The following CCDC40 variants were observed in gnomAD, a reference collection of about 807,000 sequenced individuals.
CCDC40 encodes coiled-coil domain 40 molecular ruler complex subunit, also known as coiled-coil domain-containing protein 40.
In CCDC40, 104 loss-of-function variants were observed where a neutral mutation model predicts 124.5. The ratio of observed to expected loss-of-function variants is 0.84; its 90% CI spans 0.71 to 0.98. The LOEUF is 0.98. CCDC40 is among the 50% of genes least tolerant of loss of function. The pLI, the probability that CCDC40 is intolerant of heterozygous loss-of-function variation, is 0.00. For missense variants in CCDC40, 1,463 were observed against 1,503.9 expected, an observed-to-expected ratio of 0.97 and a Z score of 0.45; for synonymous variants, 580 against 602.9, an observed-to-expected ratio of 0.96 and a Z score of 0.56.
intron 10 of CCDC40, 80 bp from the exon 11 acceptor site, chr17:80,081,466 C>T: frequency 6.4e-7 from 1 of 1,573,392 alleles, no homozygotes; most frequent in Non-Finnish European, 8.7e-7. Context: ...TTAGTGAGCT[C>T]CCTCGTGTGG....
At chr17:80,038,505 T>C (rs1474763652) in intron 2 of CCDC40, among the ~76,000 whole-genome samples, 1 of 148,058 alleles carries the variant, frequency 6.8e-6, no homozygotes, top group East Asian at 2.1e-4. Context: ...CACTCCAGCC[T>C]GGGTGACCAG....
intron 7 of CCDC40, among the ~76,000 whole-genome samples, chr17:80,057,614 T>C (rs3925111): frequency 6.6e-6 from 1 of 151,696 alleles, no homozygotes; most frequent in Non-Finnish European, 1.5e-5. Flanking sequence ...CGGTGGCTCA[T>C]GCCTGTAATC....
In CCDC40 at chr17:80,058,621, G is replaced by A; in HGVS notation, c.1287G>A (p.Arg429=). ...TGGTAAAGAAGGCCGAGACGGAGAG[G>A]ATCCGGGCAGAAATCGAGAAGAAAA... is the stretch of plus-strand genomic sequence containing the variant. ...TQVVKKAETE[R]IRAEIEKKKQ... The change falls in exon 8 of 20, where the codon AGG becomes AGA. Residue 429 remains arginine, a synonymous_variant. Transcript: ENST00000397545. This position sits in a 1 kb window ranked among gnomAD's most constrained non-coding sequence, Gnocchi z 4.2. The A allele has an allele frequency of 6.2e-7, 1 of 1,614,232 alleles. No individual in the cohort carries two copies. The highest frequency in any genetic ancestry group is 8.5e-7 in the Non-Finnish European group (1 of 1,180,036).
chr17:80,056,632 C>T (rs1333425520), intron 7 of CCDC40, among the ~76,000 whole-genome samples: 1 of 151,904 alleles, frequency 6.6e-6, no homozygotes, highest in African/African-American at 2.4e-5. Context: ...ACAAGAACAA[C>T]AACACTTTAT....
At position 80,087,629 on chromosome 17, in the gene CCDC40, G is replaced by T; in HGVS notation, c.2472G>T (p.Lys824Asn). ...TAGGCAAGATTGAGCAGGAGAAGAA[G>T]GAGCAGAAGGAGATCGAGCACCACA... ...RVESKIEQEK[K>N]EQKEIEHHMK... The change falls in exon 15 of 20, where the codon AAG becomes AAT. Residue 824 changes from lysine to asparagine, a missense_variant. By Grantham distance (94) the Lys-to-Asn change is moderately conservative (BLOSUM62 0). Transcript: ENST00000397545. This position sits in a 1 kb window ranked among gnomAD's most constrained non-coding sequence, Gnocchi z 4.5. 1 of 1,614,130 alleles carries T rather than the reference G, an allele frequency of 6.2e-7. No homozygotes were observed. Among genetic ancestry groups the T allele is most frequent in the Non-Finnish European group, 8.5e-7 (1 of 1,179,970 alleles).
intron 17 of CCDC40, among the ~76,000 whole-genome samples, chr17:80,094,747 A>G (rs1175139457): frequency 6.6e-6 from 1 of 152,268 alleles, no homozygotes; most frequent in South Asian, 2.1e-4. Flanking sequence ...GCACACATCT[A>G]CGTAGCCACT....
At chr17:80,074,295 G>T (rs1006744062) in intron 10 of CCDC40, among the ~76,000 whole-genome samples, 2 of 152,146 alleles carry the variant, frequency 1.3e-5, no homozygotes, top group Non-Finnish European at 2.9e-5. Flanking sequence ...CGGATCACGA[G>T]GTCAGGAGAT....
chr17:80,050,821 A>G (rs1314890434), intron 7 of CCDC40, among the ~76,000 whole-genome samples: 1 of 152,236 alleles, frequency 6.6e-6, no homozygotes, highest in Non-Finnish European at 1.5e-5. Flanking sequence ...TAGAGATTCA[A>G]AACTGGGAGA....
intron 10 of CCDC40, among the ~76,000 whole-genome samples, chr17:80,068,938 T>A (rs1325189403): frequency 6.6e-6 from 1 of 152,234 alleles, no homozygotes; most frequent in Admixed American, 6.5e-5. Flanking sequence ...GAGGGCGGAA[T>A]GCCTGGGCCC....
At chr17:80,062,497 T>G (rs1437581661) in intron 9 of CCDC40, among the ~76,000 whole-genome samples, 3 of 135,448 alleles carry the variant, frequency 2.2e-5, no homozygotes, top group Non-Finnish European at 4.7e-5. Context: ...ACGTTCCCCT[T>G]CCTGTGTCCA....
intron 4 of CCDC40, among the ~76,000 whole-genome samples, chr17:80,048,023 C>A (rs1188473132): frequency 2.6e-5 from 4 of 152,188 alleles, no homozygotes; most frequent in Non-Finnish European, 5.9e-5. Flanking sequence ...GGAATCCCAG[C>A]CAAGGCCGGT....
rs1243516908 is a variant in CCDC40, at chr17:80,100,437, C to G, written c.*662C>G. The G allele has an allele frequency of 6.5e-6, 1 of 153,316 alleles. No individual in the cohort carries two copies. Among genetic ancestry groups the G allele is most frequent in the Admixed American group, 6.5e-5 (1 of 15,438 alleles). 9.5% of individuals were successfully genotyped at this position (153,316 alleles called of 1,614,324 possible). A position where few individuals can be genotyped will look rare whatever the true frequency, so the allele number is the denominator to read the frequency against. On this transcript the variant is annotated 3_prime_UTR_variant, in exon 20 of 20. Transcript: ENST00000397545. ...GGCGTCCACACCAAGGGACTACGCC[C>G]CAGTCTGCCCACCTATCTTTTCTCC...
intron 7 of CCDC40, chr17:80,051,380 A>T (rs1039483387): frequency 1.4e-5 from 9 of 662,222 alleles, no homozygotes; most frequent in Non-Finnish European, 1.9e-6. Flanking sequence ...CTGTAATCCT[A>T]GCACTTTGGG....
chr17:80,068,380 C>T (rs976566011), intron 10 of CCDC40, among the ~76,000 whole-genome samples: 3 of 152,110 alleles, frequency 2.0e-5, no homozygotes, highest in Non-Finnish European at 4.4e-5. Context: ...GAAGTATAAA[C>T]TGTAATTACA....
intron 3 of CCDC40, among the ~76,000 whole-genome samples, chr17:80,042,019 GA>G: frequency 6.6e-6 from 1 of 152,196 alleles, no homozygotes; most frequent in East Asian, 1.9e-4. Flanking sequence ...TTTAGAATGG[GA>G]AAAAAATTGC....
intron 5 of CCDC40, 112 bp from the exon 6 acceptor site, chr17:80,049,794 G>T: frequency 1.2e-6 from 1 of 832,884 alleles, no homozygotes. Flanking sequence ...CACTCCACAC[G>T]GAAGTCGTCT....
intron 4 of CCDC40, 58 bp from the exon 5 acceptor site, chr17:80,048,525 G>A (rs779511763): frequency 1.4e-6 from 2 of 1,412,812 alleles, no homozygotes; most frequent in Non-Finnish European, 9.9e-7. Flanking sequence ...CCCCAGAATA[G>A]AATCACTGAG....
chr17:80,058,583 G>C lies in CCDC40; in HGVS notation c.1249G>C (p.Val417Leu), dbSNP rs535461092. The C allele has an allele frequency of 3.7e-6, 6 of 1,614,050 alleles. No individual in the cohort carries two copies. Among genetic ancestry groups the C allele is most frequent in the Middle Eastern group, 1.6e-4 (1 of 6,084 alleles). The part of the protein sequence containing the change: ...IDQDMRDDIR[V>L]MTQVVKKAET... ...CCAGGACATGCGTGACGACATCCGC[G>C]TGATGACACAAGTGGTAAAGAAGGC... Residue 417 changes from valine (V) to leucine (L), a missense_variant, in exon 8 of 20, where the codon GTG (valine) becomes CTG (leucine). Physicochemically the swap from Val to Leu is conservative, Grantham distance 32 (BLOSUM62 1). Transcript: ENST00000397545. The surrounding 1 kb of genome is among the most constrained non-coding windows in gnomAD (Gnocchi z 4.2).
chr17:80,039,138 G>A (rs575764223), intron 2 of CCDC40, among the ~76,000 whole-genome samples: 3 of 152,050 alleles, frequency 2.0e-5, no homozygotes, highest in Non-Finnish European at 4.4e-5. Flanking sequence ...AGGCTGAGGC[G>A]GATGGATCTC....
Sources: gnomAD v4.1 joint callset for allele counts (sites outside exome capture counted in the v4.1 genomes callset) on GRCh38, gnomAD v4.1.1 for gene constraint, Gnocchi (gnomAD v3.1) non-coding constraint, MANE v1.5 for transcripts, NCBI Gene and HGNC (gene_info 2026-07-23, HGNC 2026-07-21) for gene names.